DYNC1H1: variants seen among roughly 807,000 people sequenced by gnomAD.
DYNC1H1 encodes cytoplasmic dynein 1 heavy chain 1.
DYNC1H1 carries 51 observed loss-of-function variants against 527.1 expected under a neutral mutation model. The observed-to-expected ratio is 0.10, with a 90% CI of 0.08 to 0.12. DYNC1H1 has a LOEUF of 0.12. Ranked by LOEUF, DYNC1H1 falls within the 10% of genes least tolerant of loss-of-function variation. The pLI is 1.00. For synonymous variants in DYNC1H1, 2,189 were observed against 2,278.8 expected (o/e 0.96, Z 1.12); for missense variants, 2,771 against 5,971.8 (o/e 0.46, Z 17.66).
At chr14:102,004,231 A>G (rs556945611) in intron 23 of DYNC1H1, among the ~76,000 whole-genome samples, 24 of 150,338 alleles carry the variant, frequency 1.6e-4, no homozygotes, top group African/African-American at 3.8e-4. Flanking sequence ...GCGACAGAGC[A>G]AGACTCCGTC....
At position 102,026,685 on chromosome 14, in the gene DYNC1H1, G is replaced by A. The variant is rs1595622920; in HGVS notation, c.8749G>A (p.Asp2917Asn). 2 of 1,614,146 alleles carry A rather than the reference G, an allele frequency of 1.2e-6. No individual in the cohort carries two copies. The highest frequency in any genetic ancestry group is 1.7e-4 in the Middle Eastern group (1 of 6,056). The change falls in exon 44 of 78, where the codon GAC (aspartate) becomes AAC (asparagine). Residue 2917 changes from aspartate to asparagine, a missense_variant. Transcript: ENST00000360184. ...GCTGGTGCTGTTTAATGAAGTCCTAGACCACGTGCTGAGGATTGACAGGTG... is the reference window on the plus strand; with the variant it reads ...GCTGGTGCTGTTTAATGAAGTCCTAAACCACGTGCTGAGGATTGACAGGTG... ...VPLVLFNEVL[D>N]HVLRIDRIFR...
chr14:102,004,716 C>G, intron 24 of DYNC1H1, 33 bp downstream of exon 24: 2 of 1,614,162 alleles, frequency 1.2e-6, no homozygotes, highest in South Asian at 2.2e-5. Flanking sequence ...TAAAACTTCT[C>G]TCACATTTTT....
At chr14:102,043,785 T>G in intron 69 of DYNC1H1, 90 bp from the exon 70 acceptor site, 2 of 1,584,882 alleles carry the variant, frequency 1.3e-6, no homozygotes. Flanking sequence ...GGAGAGCTCT[T>G]TGTAAAGCTT....
In DYNC1H1 at chr14:102,027,103, A is replaced by G. The variant is rs1241109589; in HGVS notation, c.8772-71A>G. The G allele has an allele frequency of 1.4e-6, 2 of 1,476,098 alleles. No homozygotes were observed. Among genetic ancestry groups the G allele is most frequent in the Non-Finnish European group, 1.9e-6 (2 of 1,054,820 alleles). 91.4% of individuals were successfully genotyped at this position (1,476,098 alleles called of 1,614,324 possible). On this transcript the variant is annotated intron_variant, in intron 44 of 77. Coordinates refer to ENST00000360184, the MANE Select transcript of DYNC1H1 (RefSeq NM_001376.5). This position sits in a 1 kb window ranked among gnomAD's most constrained non-coding sequence, Gnocchi z 7.7. ...AAAACATGTCCAAAATACTGTAGAC[A>G]CTAGATATGAGTCAAAAGGGGAATG...
Position 102,050,850 on chromosome 14 carries a change from A to G in DYNC1H1, c.*287A>G. The G allele has an allele frequency of 2.4e-6, 1 of 423,640 alleles. No individual in the cohort carries two copies. Among genetic ancestry groups the G allele is most frequent in the South Asian group, 2.1e-5 (1 of 47,528 alleles). The allele number at this position is 423,640 out of a possible 1,614,324, so 26.2% of individuals were successfully genotyped here. Reference sequence around the variant, plus strand: ...CCCAGGGCACAGAGCCTTGCCTTCCATGCTGCCCAGGGAGGGCAGCCCACG... The same window carrying G: ...CCCAGGGCACAGAGCCTTGCCTTCCGTGCTGCCCAGGGAGGGCAGCCCACG... On this transcript the variant is annotated 3_prime_UTR_variant, in exon 78 of 78. Coordinates refer to ENST00000360184, the MANE Select transcript of DYNC1H1 (RefSeq NM_001376.5).
Position 102,018,127 on chromosome 14 carries a change from T to G in DYNC1H1, c.8178-324T>G, listed in dbSNP as rs139576183. 3.6e-3 allele frequency: 1,038 copies of G among 292,392 alleles called. 16 individuals carry two copies. The highest frequency in any genetic ancestry group is 0.021 in the African/African-American group (959 of 46,288). The allele number at this position is 292,392 out of a possible 1,614,324, so 18.1% of individuals were successfully genotyped here. ...TCTCAAAATAAATAAATAAATAAAA[T>G]AAAATGAAATAAAAGCATTGATCTC... is the stretch of plus-strand genomic sequence containing the variant. On this transcript the variant is annotated intron_variant, in intron 40 of 77. Transcript: ENST00000360184. The surrounding 1 kb of genome is among the most constrained non-coding windows in gnomAD (Gnocchi z 5.2).
intron 16 of DYNC1H1, 64 bp from the exon 17 acceptor site, chr14:101,999,925 A>G: frequency 6.2e-7 from 1 of 1,611,798 alleles, no homozygotes; most frequent in Non-Finnish European, 8.5e-7. Flanking sequence ...ACCATTTTAA[A>G]GCCTAAATGC....
At position 102,017,424 on chromosome 14, in the gene DYNC1H1, A is replaced by G. The variant is rs772002773; in HGVS notation, c.8097A>G (p.Thr2699=). The G allele has an allele frequency of 3.9e-5, 63 of 1,614,090 alleles. No homozygotes were observed. Among genetic ancestry groups the G allele is most frequent in the Non-Finnish European group, 5.3e-5 (62 of 1,180,042 alleles). The change falls in exon 40 of 78, where the codon ACA becomes ACG. Residue 2699 remains threonine (T), a synonymous_variant. Coordinates refer to ENST00000360184, the MANE Select transcript of DYNC1H1 (RefSeq NM_001376.5). This position sits in a 1 kb window ranked among gnomAD's most constrained non-coding sequence, Gnocchi z 4.6. ...HGGFYRTSDQ[T]WVKLERIQFV... ...GCTTTTACCGTACCTCAGATCAAAC[A>G]TGGGTGAAGCTGGAGAGAATCCAGT... is the stretch of plus-strand genomic sequence containing the variant.
At position 102,020,605 on chromosome 14, in the gene DYNC1H1, C is replaced by T. The variant is rs2048373970; in HGVS notation, c.8507+549C>T. Among the ~76,000 whole-genome samples the T allele has an allele frequency of 6.6e-6, 1 of 152,152 alleles. No homozygotes were observed. Among genetic ancestry groups the T allele is most frequent in the East Asian group, 1.9e-4 (1 of 5,196 alleles). On this transcript the variant is annotated intron_variant, in intron 42 of 77. Transcript: ENST00000360184. This position sits in a 1 kb window ranked among gnomAD's most constrained non-coding sequence, Gnocchi z 4.3. ...CTGGTTTTCTCTTTTACCTGTTGCCCACTTGGATCAATTCTTGTCTTGTAA... is the reference window on the plus strand; with the variant it reads ...CTGGTTTTCTCTTTTACCTGTTGCCTACTTGGATCAATTCTTGTCTTGTAA...
rs1208237610 is a variant in DYNC1H1 at position 101,995,600 on chromosome 14, GACTCCGTCTCAAAAAAAAAAAAAAA to G, written c.3564+302_3564+326del. On this transcript the variant is annotated intron_variant, in intron 15 of 77. Coordinates refer to ENST00000360184, the MANE Select transcript of DYNC1H1 (RefSeq NM_001376.5). The stretch of plus-strand genomic sequence containing the variant: ...CATTCCAGCCTGGGCAACAGAGTGA[GACTCCGTCTCAAAAAAAAAAAAAAA>G]AATTACACTAGATCTCTAGTTTAAT... Among the ~76,000 whole-genome samples the G allele has an allele frequency of 2.0e-5, 3 of 146,512 alleles. No homozygotes were observed. The East Asian group carries it at 6.1e-4, about 30-fold the overall frequency.
Position 102,002,623 on chromosome 14 carries a change from G to A in DYNC1H1, c.4629G>A (p.Arg1543=). The change falls in exon 22 of 78, where the codon CGG becomes CGA. Residue 1543 remains arginine, a synonymous_variant. Coordinates refer to ENST00000360184, the MANE Select transcript of DYNC1H1 (RefSeq NM_001376.5). The surrounding 1 kb of genome is among the most constrained non-coding windows in gnomAD (Gnocchi z 4.4). The part of the protein sequence containing the change: ...LFDVWIDVQR[R]WVYLEGIFTG... ...ATGTGTGGATTGATGTGCAGAGGCG[G>A]TGGGTCTACCTGGAAGGTATCTTCA... is the stretch of plus-strand genomic sequence containing the variant. The A allele has an allele frequency of 2.5e-6, 4 of 1,614,212 alleles. No homozygotes were observed. Among genetic ancestry groups the A allele is most frequent in the Admixed American group, 3.3e-5 (2 of 60,022 alleles).
intron 51 of DYNC1H1, among the ~76,000 whole-genome samples, chr14:102,031,193 C>T (rs2048506603): frequency 1.3e-5 from 2 of 152,104 alleles, no homozygotes; most frequent in Non-Finnish European, 2.9e-5. Context: ...AAATTTCAGC[C>T]TAGAAAACTA....
intron 42 of DYNC1H1, among the ~76,000 whole-genome samples, chr14:102,022,284 CAGG>C (rs1567014938): frequency 6.6e-6 from 1 of 151,588 alleles, no homozygotes; most frequent in African/African-American, 2.4e-5. Flanking sequence ...ATCACGAGGT[CAGG>C]AGATCGAGAC....
Position 102,012,178 on chromosome 14 carries a change from A to G in DYNC1H1, c.6857+65A>G. 6.2e-7 allele frequency: 1 copy of G among 1,604,156 alleles called. No individual in the cohort carries two copies. Among genetic ancestry groups the G allele is most frequent in the Non-Finnish European group, 8.5e-7 (1 of 1,171,052 alleles). On this transcript the variant is annotated intron_variant, in intron 33 of 77. Transcript: ENST00000360184. The surrounding 1 kb of genome is among the most constrained non-coding windows in gnomAD (Gnocchi z 4.9). Reference sequence around the variant, plus strand: ...TGGGCGCTAAGTACTTTGCTCTCACAAGAGCAGAGTATACGTTATTTTTCA... The same window carrying G: ...TGGGCGCTAAGTACTTTGCTCTCACGAGAGCAGAGTATACGTTATTTTTCA...
chr14:101,985,849 G>A lies in DYNC1H1; in HGVS notation c.1624G>A (p.Gly542Ser). 2 of 1,614,136 alleles carry A rather than the reference G, an allele frequency of 1.2e-6. No homozygotes were observed. The highest frequency in any genetic ancestry group is 1.7e-6 in the Non-Finnish European group (2 of 1,180,024). ...GGATGGACTGGATGTTTCCAAAGAGGGCACGGAAGCCTGGGAGGCTGCTAT... is the reference window on the plus strand; with the variant it reads ...GGATGGACTGGATGTTTCCAAAGAGAGCACGGAAGCCTGGGAGGCTGCTAT... Reference protein sequence around the residue: ...EVDGLDVSKEGTEAWEAAMKR... With the variant: ...EVDGLDVSKESTEAWEAAMKR... The change falls in exon 8 of 78, where the codon GGC becomes AGC. Residue 542 changes from glycine (G) to serine (S), a missense_variant. Transcript: ENST00000360184. The surrounding 1 kb of genome is among the most constrained non-coding windows in gnomAD (Gnocchi z 5.9).
intron 2 of DYNC1H1, 111 bp downstream of exon 2, chr14:101,975,910 C>CT (rs375223030): frequency 0.082 from 54,468 of 661,850 alleles, 1 homozygote; most frequent in East Asian, 0.095. Context: ...TAATATAAAT[C>CT]TTTTTTTTTT....
rs58030616 is a variant in DYNC1H1, at chr14:102,051,162, G to A, written c.*599G>A. ...GTCCCAGCTACTTGAGGGCTGAGGT[G>A]GGAGGATCACCCAAGCCCAAGAGGT... On this transcript the variant is annotated 3_prime_UTR_variant, in exon 78 of 78. Transcript: ENST00000360184. 5.8e-3 allele frequency: 1,045 copies of A among 178,846 alleles called. 19 individuals carry two copies. The highest frequency in any genetic ancestry group is 0.035 in the East Asian group (238 of 6,744). 11.1% of individuals were successfully genotyped at this position (178,846 alleles called of 1,614,324 possible).
At chr14:102,025,712 T>G (rs2048441843) in intron 43 of DYNC1H1, among the ~76,000 whole-genome samples, 2 of 152,242 alleles carry the variant, frequency 1.3e-5, no homozygotes, top group African/African-American at 4.8e-5. Flanking sequence ...AATAATAATT[T>G]ACTCTGCAGT....
chr14:102,007,243 A>AGT (rs2048207011), intron 28 of DYNC1H1, 135 bp downstream of exon 28: 8 of 819,376 alleles, frequency 9.8e-6, no homozygotes, highest in South Asian at 5.9e-5. Flanking sequence ...TGAGTCCTGT[A>AGT]GTAGGGATAG....
Sources: gnomAD v4.1 joint callset for allele counts (sites outside exome capture counted in the v4.1 genomes callset) on GRCh38, gnomAD v4.1.1 for gene constraint, Gnocchi (gnomAD v3.1) non-coding constraint, MANE v1.5 for transcripts, NCBI Gene and HGNC (gene_info 2026-07-23, HGNC 2026-07-21) for gene names.